The following ADCY5 variants were observed in gnomAD, a reference collection of about 807,000 sequenced individuals.
ADCY5 encodes the protein adenylate cyclase type 5.
Under a neutral mutation model 119.7 loss-of-function variants are expected in ADCY5, and 30 were observed. The observed-to-expected ratio is 0.25, with a 90% CI of 0.19 to 0.34. ADCY5 has a LOEUF of 0.34. ADCY5 is among the 10% of genes least tolerant of loss of function. The pLI is 1.00. For synonymous variants in ADCY5, 753 were observed against 762.2 expected (o/e 0.99, Z 0.20); for missense variants, 1,324 against 1,775.2 (o/e 0.75, Z 4.57).
At chr3:123,430,419 C>T (rs772191834) in intron 1 of ADCY5, among the ~76,000 whole-genome samples, 2 of 152,106 alleles carry the variant, frequency 1.3e-5, no homozygotes, top group Admixed American at 1.3e-4. Flanking sequence ...CACTTCAGGC[C>T]CAGCAGGAGT....
At chr3:123,311,768 C>T (rs1375301083) in intron 12 of ADCY5, among the ~76,000 whole-genome samples, 1 of 152,094 alleles carries the variant, frequency 6.6e-6, no homozygotes, top group Admixed American at 6.5e-5. Flanking sequence ...AAAGCAGGCT[C>T]CCTGGCTGGA....
intron 1 of ADCY5, among the ~76,000 whole-genome samples, chr3:123,401,504 G>A (rs1254063111): frequency 6.6e-6 from 1 of 152,226 alleles, no homozygotes; most frequent in Non-Finnish European, 1.5e-5. Context: ...CCCACATAGT[G>A]GCTGGAGTCA....
intron 17 of ADCY5, among the ~76,000 whole-genome samples, chr3:123,291,900 GCAGA>G (rs1371599391): frequency 6.6e-6 from 1 of 152,190 alleles, no homozygotes; most frequent in Non-Finnish European, 1.5e-5. Flanking sequence ...TCCCAGGAGG[GCAGA>G]CTTGCCCCAG....
At chr3:123,334,652 C>T (rs1321240239) in intron 3 of ADCY5, among the ~76,000 whole-genome samples, 2 of 152,160 alleles carry the variant, frequency 1.3e-5, no homozygotes, top group Non-Finnish European at 2.9e-5. Context: ...GCAGGAGAAT[C>T]ACTTGAACTC....
chr3:123,381,075 T>C (rs1055579924), intron 1 of ADCY5, among the ~76,000 whole-genome samples: 1 of 152,214 alleles, frequency 6.6e-6, no homozygotes, highest in African/African-American at 2.4e-5. Context: ...CATAGAGTGG[T>C]TGAAGTAGTA....
intron 1 of ADCY5, among the ~76,000 whole-genome samples, chr3:123,387,960 A>G (rs1261002892): frequency 6.6e-6 from 1 of 152,166 alleles, no homozygotes; most frequent in East Asian, 1.9e-4. Flanking sequence ...AGAGAAGGTG[A>G]TATTTGAGGT....
intron 1 of ADCY5, among the ~76,000 whole-genome samples, chr3:123,409,119 C>T (rs1944981590): frequency 1.3e-5 from 2 of 152,214 alleles, no homozygotes; most frequent in South Asian, 2.1e-4. Flanking sequence ...ATTATCTATA[C>T]AGGCAGCCAG....
chr3:123,299,866 G>C lies in ADCY5; in HGVS notation c.2900+254C>G, dbSNP rs76825565. Among the ~76,000 whole-genome samples the C allele has an allele frequency of 0.016, 2,499 of 152,346 alleles. 63 individuals are homozygous for C. The highest frequency in any genetic ancestry group is 0.053 in the African/African-American group (2,211 of 41,574). On this transcript the variant is annotated intron_variant, in intron 15 of 20. Coordinates refer to ENST00000462833, the MANE Select transcript of ADCY5 (RefSeq NM_183357.3). Reference sequence around the variant, plus strand: ...GGACCGAGGTGAAAGCAGCCCACTGGAGGCTGCCCTGGCAAGCGGGGAGCA... The same window carrying C: ...GGACCGAGGTGAAAGCAGCCCACTGCAGGCTGCCCTGGCAAGCGGGGAGCA...
Position 123,284,271 on chromosome 3 carries a change from T to G in ADCY5, c.*337A>C, listed in dbSNP as rs1938581393. 2 of 265,438 alleles carry G rather than the reference T, an allele frequency of 7.5e-6. No individual in the cohort carries two copies. Among genetic ancestry groups the G allele is most frequent in the South Asian group, 5.5e-5 (1 of 18,076 alleles). The allele number at this position is 265,438 out of a possible 1,614,324, so 16.4% of individuals were successfully genotyped here. On this transcript the variant is annotated 3_prime_UTR_variant, in exon 21 of 21. Coordinates refer to ENST00000462833, the MANE Select transcript of ADCY5 (RefSeq NM_183357.3). The stretch of plus-strand genomic sequence containing the variant: ...CGGAGGCCCCTCAGCCCTGCCCTTG[T>G]CTGGGCCGTGCCACACACACATTCC...
In ADCY5 at chr3:123,448,181, G is replaced by T. The variant is rs1486723252; in HGVS notation, c.365C>A (p.Ala122Glu). The change falls in exon 1 of 21, where the codon GCG (alanine) becomes GAG (glutamate). Residue 122 changes from alanine to glutamate, a missense_variant. Physicochemically the swap from Ala to Glu is moderately radical, Grantham distance 107 (BLOSUM62 -1). Coordinates refer to ENST00000462833, the MANE Select transcript of ADCY5 (RefSeq NM_183357.3). ...CGCCCGGGTGCTGCCCCCGCTGGCC[G>T]CGCCCCGCCGCTGCCGGCGGCTGCC... ...GRGSRRQRRG[A>E]ASGGSTRAPP... The T allele has an allele frequency of 1.7e-6, 2 of 1,195,070 alleles. No homozygotes were observed. Among genetic ancestry groups the T allele is most frequent in the Non-Finnish European group, 2.1e-6 (2 of 965,848 alleles). 74.0% of individuals were successfully genotyped at this position (1,195,070 alleles called of 1,614,324 possible). A position where few individuals can be genotyped will look rare whatever the true frequency, so the allele number is the denominator to read the frequency against.
chr3:123,334,750 A>G (rs368029650), intron 3 of ADCY5, among the ~76,000 whole-genome samples: 5 of 152,190 alleles, frequency 3.3e-5, no homozygotes, highest in Non-Finnish European at 4.4e-5. Flanking sequence ...AATAATGAAT[A>G]AATAAATAAA....
At chr3:123,403,282 A>G (rs1457866048) in intron 1 of ADCY5, among the ~76,000 whole-genome samples, 1 of 146,340 alleles carries the variant, frequency 6.8e-6, no homozygotes, top group African/African-American at 2.5e-5. Flanking sequence ...TAGGAGGCTG[A>G]GGTGGGATTC....
At chr3:123,302,877 C>T (rs1939925476) in intron 14 of ADCY5, among the ~76,000 whole-genome samples, 178 bp downstream of exon 14, 1 of 152,198 alleles carries the variant, frequency 6.6e-6, no homozygotes, top group South Asian at 2.1e-4. Flanking sequence ...GGAGGCTCCC[C>T]TTGTTCCCAG....
intron 3 of ADCY5, among the ~76,000 whole-genome samples, chr3:123,346,105 G>A (rs1286843514): frequency 1.3e-5 from 2 of 152,244 alleles, no homozygotes; most frequent in Non-Finnish European, 2.9e-5. Context: ...ACGTAGGGCG[G>A]TGGCTGGTTC....
intron 19 of ADCY5, among the ~76,000 whole-genome samples, chr3:123,288,074 A>ACT (rs1938899728): frequency 6.6e-6 from 1 of 152,086 alleles, no homozygotes; most frequent in Non-Finnish European, 1.5e-5. Flanking sequence ...CTTAAAGCAG[A>ACT]CTCCCAGCTG....
At chr3:123,417,830 A>T (rs1945219424) in intron 1 of ADCY5, among the ~76,000 whole-genome samples, 1 of 152,174 alleles carries the variant, frequency 6.6e-6, no homozygotes, top group Admixed American at 6.5e-5. Context: ...GACATTCTAG[A>T]ATTTTATGAA....
rs376085783 is a variant in ADCY5, at chr3:123,364,935, C to CTT, written c.1135-12356_1135-12355dup. Among the ~76,000 whole-genome samples, 230 of 137,136 alleles carry CTT rather than the reference C, an allele frequency of 1.7e-3. 2 individuals carry two copies. Among genetic ancestry groups the CTT allele is most frequent in the African/African-American group, 4.1e-3 (154 of 37,592 alleles). 90.0% of individuals were successfully genotyped at this position (137,136 alleles called of 152,430 possible). ...ATAATTTGGTATCCTGTGTTTTTCA[C>CTT]TTTTTTTTTTTTTTTTGAGACGGAG... On this transcript the variant is annotated intron_variant, in intron 1 of 20. Coordinates refer to ENST00000462833, the MANE Select transcript of ADCY5 (RefSeq NM_183357.3).
intron 1 of ADCY5, chr3:123,419,089 CTA>C (rs1481833140): frequency 1.3e-5 from 12 of 937,704 alleles, no homozygotes; most frequent in Non-Finnish European, 1.5e-5. Context: ...GTAAATCTTT[CTA>C]TATGTCTATA....
rs189868197 is a variant in ADCY5, at chr3:123,448,416, G to T, written c.130C>A (p.His44Asn). ...CCGCGGGCAGAGCCCCCGGGGGCAT[G>T]GGGGTAGCCATTCGCGCGGGAATCG... is the stretch of plus-strand genomic sequence containing the variant. ...EADSRANGYP[H>N]APGGSARGST... Residue 44 changes from histidine to asparagine, a missense_variant, in exon 1 of 21, where the codon CAT becomes AAT. Around this residue, in one of 6 missense-constraint regions of ADCY5, gnomAD observed 585 missense variants for 569.9 expected, o/e 1.03. Coordinates refer to ENST00000462833, the MANE Select transcript of ADCY5 (RefSeq NM_183357.3). 2.4e-5 allele frequency: 33 copies of T among 1,388,368 alleles called. No individual in the cohort carries two copies. Among genetic ancestry groups the T allele is most frequent in the Non-Finnish European group, 2.2e-5 (24 of 1,074,384 alleles). 86.0% of individuals were successfully genotyped at this position (1,388,368 alleles called of 1,614,324 possible).
Sources: gnomAD v4.1 joint callset for allele counts (sites outside exome capture counted in the v4.1 genomes callset) on GRCh38, gnomAD v4.1.1 for gene constraint, gnomAD v4.1.1 regional missense constraint, MANE v1.5 for transcripts, NCBI Gene and HGNC (gene_info 2026-07-23, HGNC 2026-07-21) for gene names.